The following JPH3 variants were observed in gnomAD, a reference collection of about 807,000 sequenced individuals.
The protein encoded by JPH3 is junctophilin-3.
Under a neutral mutation model 59.6 loss-of-function variants are expected in JPH3, and 11 were observed. That is an observed-to-expected ratio of 0.18 (90% confidence interval 0.12 to 0.31). JPH3 has a LOEUF of 0.31. Ranked by LOEUF, JPH3 falls within the 10% of genes least tolerant of loss-of-function variation. The pLI is 1.00. For missense variants in JPH3, 1,202 were observed against 1,105.7 expected (o/e 1.09, Z -1.24); for synonymous variants, 673 against 483.6 (o/e 1.39, Z -5.14).
chr16:87,687,693 G>A (rs114589076), intron 3 of JPH3, among the ~76,000 whole-genome samples: 656 of 152,330 alleles, frequency 4.3e-3, no homozygotes, highest in African/African-American at 0.015. Context: ...TTCTAGGAAC[G>A]TTACCTGCTC....
At chr16:87,640,339 G>C (rs1318682271) in intron 1 of JPH3, among the ~76,000 whole-genome samples, 2 of 150,598 alleles carry the variant, frequency 1.3e-5, no homozygotes, top group Non-Finnish European at 3.0e-5. Context: ...AAAAAAAAAG[G>C]GTTGTCCGGT....
intron 1 of JPH3, among the ~76,000 whole-genome samples, chr16:87,639,792 A>C (rs902480269): frequency 6.6e-6 from 1 of 152,122 alleles, no homozygotes; most frequent in Non-Finnish European, 1.5e-5. Flanking sequence ...GGCTTATTCC[A>C]CTGCATGACG....
intron 4 of JPH3, chr16:87,695,861 T>C: frequency 2.2e-6 from 1 of 455,978 alleles, no homozygotes; most frequent in Non-Finnish European, 4.4e-6. Flanking sequence ...AGGTGGCAGC[T>C]TGGTCCGAGT....
intron 1 of JPH3, among the ~76,000 whole-genome samples, chr16:87,641,233 C>T (rs781767167): frequency 1.3e-5 from 2 of 152,086 alleles, no homozygotes; most frequent in East Asian, 1.9e-4. Flanking sequence ...CCTGCTTGCC[C>T]GGCTCTTGGC....
At chr16:87,604,535 G>C in intron 1 of JPH3, 3 of 1,265,680 alleles carry the variant, frequency 2.4e-6, no homozygotes, top group Non-Finnish European at 3.0e-6. Flanking sequence ...TGCCTCCCTC[G>C]GGCGGCTCGC....
chr16:87,617,216 C>G (rs1878910739), intron 1 of JPH3, among the ~76,000 whole-genome samples: 2 of 152,160 alleles, frequency 1.3e-5, no homozygotes, highest in African/African-American at 4.8e-5. Flanking sequence ...GAGTGAGACT[C>G]TGTCTCAAAA....
At chr16:87,679,132 T>C (rs1883526037) in intron 2 of JPH3, among the ~76,000 whole-genome samples, 1 of 152,174 alleles carries the variant, frequency 6.6e-6, no homozygotes, top group Admixed American at 6.5e-5. Flanking sequence ...CTGGCCAGGC[T>C]CAGCTGAGAG....
At chr16:87,687,508 TGAA>T (rs2142829652) in intron 3 of JPH3, among the ~76,000 whole-genome samples, 1 of 152,200 alleles carries the variant, frequency 6.6e-6, no homozygotes, top group Non-Finnish European at 1.5e-5. Context: ...GGCAGGACCA[TGAA>T]GGAGCCTGGC....
intron 1 of JPH3, among the ~76,000 whole-genome samples, chr16:87,626,291 G>A (rs1468027713): frequency 6.6e-6 from 1 of 152,134 alleles, no homozygotes; most frequent in South Asian, 2.1e-4. Flanking sequence ...ACCCCAGGCC[G>A]CACAGTTATC....
chr16:87,638,458 C>T lies in JPH3; in HGVS notation c.383-5800C>T, dbSNP rs113194407. Among the ~76,000 whole-genome samples the T allele has an allele frequency of 4.4e-3, 668 of 152,244 alleles. 5 individuals carry two copies. Among genetic ancestry groups the T allele is most frequent in the African/African-American group, 0.016 (648 of 41,524 alleles). ...TACTGGGGAGACACAGGAGCGACCA[C>T]CATGATCCACAGACCAGGACTGTAC... On this transcript the variant is annotated intron_variant, in intron 1 of 4. Transcript: ENST00000284262.
intron 1 of JPH3, among the ~76,000 whole-genome samples, chr16:87,640,603 G>C (rs146823623): frequency 1.3e-5 from 2 of 152,154 alleles, no homozygotes; most frequent in East Asian, 3.9e-4. Flanking sequence ...ATGTTGGCCA[G>C]CGTGGTCTCT....
Position 87,603,419 on chromosome 16 carries a change from C to A in JPH3, c.273C>A (p.Phe91Leu), listed in dbSNP as rs745661464. Reference sequence around the variant, plus strand: ...ACAAGGGCGAGTGGACGCACGGATTCAAGGGGCGCTACGGGGTGCGGGAGT... The same window carrying A: ...ACAAGGGCGAGTGGACGCACGGATTAAAGGGGCGCTACGGGGTGCGGGAGT... ...WVYKGEWTHG[F>L]KGRYGVRECA... Residue 91 changes from phenylalanine to leucine, a missense_variant, in exon 1 of 5, where the codon TTC becomes TTA. Phe to Leu is a conservative substitution (Grantham distance 22). Coordinates refer to ENST00000284262, the MANE Select transcript of JPH3 (RefSeq NM_020655.4). 2.0e-5 allele frequency: 32 copies of A among 1,584,370 alleles called. No homozygotes were observed. The highest frequency in any genetic ancestry group is 2.7e-5 in the Non-Finnish European group (31 of 1,165,904).
intron 2 of JPH3, among the ~76,000 whole-genome samples, chr16:87,671,536 C>G (rs1480611964): frequency 6.6e-6 from 1 of 152,196 alleles, no homozygotes; most frequent in Non-Finnish European, 1.5e-5. Context: ...AGGTGACCAC[C>G]AGGCCCTAAT....
At chr16:87,642,125 G>T (rs1000723058) in intron 1 of JPH3, among the ~76,000 whole-genome samples, 1 of 152,084 alleles carries the variant, frequency 6.6e-6, no homozygotes, top group African/African-American at 2.4e-5. Flanking sequence ...AGGTGGCGGG[G>T]TGTGGGGATA....
chr16:87,643,111 A>C (rs1269013807), intron 1 of JPH3, among the ~76,000 whole-genome samples: 1 of 152,112 alleles, frequency 6.6e-6, no homozygotes, highest in African/African-American at 2.4e-5. Flanking sequence ...TGACTACTCT[A>C]AGGACCCCGT....
At chr16:87,670,680 GA>G (rs755731511) in intron 2 of JPH3, among the ~76,000 whole-genome samples, 1 of 152,264 alleles carries the variant, frequency 6.6e-6, no homozygotes, top group Non-Finnish European at 1.5e-5. Flanking sequence ...GGTCCTCAGG[GA>G]CCCGGCGGGG....
At chr16:87,623,048 G>T (rs1045319103) in intron 1 of JPH3, among the ~76,000 whole-genome samples, 3 of 152,152 alleles carry the variant, frequency 2.0e-5, no homozygotes, top group African/African-American at 7.2e-5. Context: ...GAGTGTCCAG[G>T]CCCCTCCCAG....
intron 1 of JPH3, among the ~76,000 whole-genome samples, chr16:87,641,195 G>A (rs543132192): frequency 1.3e-5 from 2 of 152,194 alleles, no homozygotes; most frequent in Non-Finnish European, 2.9e-5. Flanking sequence ...GGTGTTGTGG[G>A]GTCCCTGGGG....
At chr16:87,663,441 T>A (rs2032766695) in intron 2 of JPH3, among the ~76,000 whole-genome samples, 1 of 152,212 alleles carries the variant, frequency 6.6e-6, no homozygotes, top group African/African-American at 2.4e-5. Flanking sequence ...GGACAGTCGG[T>A]TTTGCTACAA....
Sources: allele counts gnomAD v4.1 joint callset (sites outside exome capture counted in the v4.1 genomes callset), GRCh38; gene constraint gnomAD v4.1.1; transcripts MANE v1.5; gene names NCBI Gene and HGNC (gene_info 2026-07-23, HGNC 2026-07-21).